RNF216: variants seen among roughly 807,000 people sequenced by gnomAD.
RNF216 encodes E3 ubiquitin-protein ligase RNF216.
A neutral mutation model predicts 110.8 loss-of-function variants in RNF216; 72 were observed. The ratio of observed to expected loss-of-function variants is 0.65; its 90% confidence interval spans 0.54 to 0.79. RNF216 has a LOEUF of 0.79. Ranked by LOEUF, RNF216 falls within the 30% of genes least tolerant of loss-of-function variation. RNF216 has a pLI of 0.00. For synonymous variants in RNF216, 495 were observed against 407.5 expected (o/e 1.21, Z -2.59); for missense variants, 1,342 against 1,141.2 (o/e 1.18, Z -2.54).
At chr7:5,718,332 G>C (rs1308116729) in intron 9 of RNF216, among the ~76,000 whole-genome samples, 2 of 152,132 alleles carry the variant, frequency 1.3e-5, no homozygotes, top group Non-Finnish European at 1.5e-5. Context: ...AGTGAGCCGA[G>C]ATCCTGCCAC....
At chr7:5,647,558 T>C (rs2128572737) in intron 14 of RNF216, among the ~76,000 whole-genome samples, 1 of 152,094 alleles carries the variant, frequency 6.6e-6, no homozygotes, top group South Asian at 2.1e-4. Context: ...GGTCTTCAAC[T>C]CCTGGGTTCA....
intron 3 of RNF216, among the ~76,000 whole-genome samples, chr7:5,747,309 A>G (rs1410289176): frequency 6.6e-6 from 1 of 152,214 alleles, no homozygotes; most frequent in Admixed American, 6.5e-5. Flanking sequence ...ATCCTAGGAT[A>G]CCTGACTTAT....
intron 14 of RNF216, among the ~76,000 whole-genome samples, chr7:5,642,906 G>C (rs1787828991): frequency 6.6e-6 from 1 of 152,058 alleles, no homozygotes. Context: ...TTTAAGGTGT[G>C]GCACTCCAGT....
At chr7:5,716,602 C>A (rs890139640) in intron 10 of RNF216, 114 bp downstream of exon 10, 3 of 755,502 alleles carry the variant, frequency 4.0e-6, no homozygotes, top group African/African-American at 1.8e-5. Flanking sequence ...TGCAAACTCA[C>A]CAAACAGGAG....
intron 13 of RNF216, among the ~76,000 whole-genome samples, chr7:5,698,050 T>G (rs1791736033): frequency 6.6e-6 from 1 of 152,206 alleles, no homozygotes; most frequent in Non-Finnish European, 1.5e-5. Flanking sequence ...TACAAGCTTC[T>G]GACGGGAAAT....
intron 1 of RNF216, among the ~76,000 whole-genome samples, chr7:5,769,538 C>T (rs1472091468): frequency 6.6e-6 from 1 of 151,076 alleles, no homozygotes; most frequent in Non-Finnish European, 1.5e-5. Flanking sequence ...GCCTGGGCAA[C>T]ATGGTGAAAC....
rs1796275111 is a variant in RNF216 at position 5,767,652 on chromosome 7, G to A, written c.-69-6514C>T. On this transcript the variant is annotated intron_variant, in intron 1 of 16. Transcript: ENST00000389902. ...GTTTTGCTCTGCCACCCAGGCTGAA[G>A]TAATGGTGCGATCTTGGCTCACTGC... Among the ~76,000 whole-genome samples, 3 of 150,806 alleles carry A rather than the reference G, an allele frequency of 2.0e-5. No individual in the cohort carries two copies. In the South Asian group the frequency reaches 6.2e-4, roughly 31 times the overall value.
At chr7:5,634,881 G>A (rs1171699964) in intron 15 of RNF216, among the ~76,000 whole-genome samples, 2 of 152,168 alleles carry the variant, frequency 1.3e-5, no homozygotes, top group Admixed American at 6.5e-5. Flanking sequence ...GGACACTGCT[G>A]GGGTAGCAAA....
At chr7:5,732,154 T>G (rs188612749) in intron 5 of RNF216, among the ~76,000 whole-genome samples, 61 of 152,284 alleles carry the variant, frequency 4.0e-4, no homozygotes, top group Middle Eastern at 3.4e-3. Flanking sequence ...TCAGAGTACA[T>G]TTTCCTATAA....
chr7:5,750,079 TA>T (rs1306929144), intron 3 of RNF216, among the ~76,000 whole-genome samples: 2 of 152,276 alleles, frequency 1.3e-5, no homozygotes, highest in Admixed American at 1.3e-4. Context: ...TTCTTATTTT[TA>T]TGGCAATATC....
chr7:5,728,883 G>A (rs1793920484), intron 7 of RNF216, among the ~76,000 whole-genome samples: 1 of 152,194 alleles, frequency 6.6e-6, no homozygotes, highest in Non-Finnish European at 1.5e-5. Context: ...GGCACTGTGT[G>A]CTGTCCTTCA....
Position 5,624,256 on chromosome 7 carries a change from C to T in RNF216, c.2383-131G>A, listed in dbSNP as rs1562764633. The T allele has an allele frequency of 4.3e-6, 3 of 702,482 alleles. No homozygotes were observed. Among genetic ancestry groups the T allele is most frequent in the Non-Finnish European group, 7.3e-6 (3 of 412,858 alleles). The allele number at this position is 702,482 out of a possible 1,614,324, so 43.5% of individuals were successfully genotyped here. A position where few individuals can be genotyped will look rare whatever the true frequency, so the allele number is the denominator to read the frequency against. On this transcript the variant is annotated intron_variant, in intron 15 of 16. Coordinates refer to ENST00000389902, the MANE Select transcript of RNF216 (RefSeq NM_207111.4). The surrounding 1 kb of genome is among the most constrained non-coding windows in gnomAD (Gnocchi z 4.4). ...CGAAGCCTGCTGCTGGCCAGTGGGGCCTGGGCTGCACACCGTTCCTTCCTA... is the reference window on the plus strand; with the variant it reads ...CGAAGCCTGCTGCTGGCCAGTGGGGTCTGGGCTGCACACCGTTCCTTCCTA...
At chr7:5,649,697 G>A (rs937563744) in intron 14 of RNF216, 2 of 151,996 alleles carry the variant, frequency 1.3e-5, no homozygotes, top group African/African-American at 4.8e-5. Flanking sequence ...CTAAGATGCA[G>A]AGGCGATGAT....
chr7:5,779,187 A>G (rs1041454411), intron 1 of RNF216, among the ~76,000 whole-genome samples: 1 of 152,340 alleles, frequency 6.6e-6, no homozygotes, highest in Non-Finnish European at 1.5e-5. Context: ...ATCAGCAAAT[A>G]CCAGCTCTCT....
intron 13 of RNF216, among the ~76,000 whole-genome samples, chr7:5,661,621 G>A (rs1789143802): frequency 6.6e-6 from 1 of 152,076 alleles, no homozygotes; most frequent in Non-Finnish European, 1.5e-5. Flanking sequence ...TGGCCAACAT[G>A]GTGACATCTC....
rs185141832 is a variant in RNF216, at chr7:5,622,782, C to T, written c.*78G>A. On this transcript the variant is annotated 3_prime_UTR_variant, in exon 17 of 17. Coordinates refer to ENST00000389902, the MANE Select transcript of RNF216 (RefSeq NM_207111.4). ...GACTTAGGATGCAATGGTACAGACA[C>T]CAGCCTTGGGGGAGGGTTCTCCATC... 54 of 1,404,328 alleles carry T rather than the reference C, an allele frequency of 3.8e-5. No homozygotes were observed. In the Admixed American group the frequency reaches 1.0e-3, roughly 26 times the overall value. The allele number at this position is 1,404,328 out of a possible 1,614,324, so 87.0% of individuals were successfully genotyped here.
chr7:5,638,590 G>A (rs891979007), intron 15 of RNF216, among the ~76,000 whole-genome samples: 1 of 150,872 alleles, frequency 6.6e-6, no homozygotes, highest in Non-Finnish European at 1.5e-5. Flanking sequence ...AGGGGTGGCT[G>A]TTAGCCAACT....
chr7:5,772,063 G>A (rs1005592599), intron 1 of RNF216, among the ~76,000 whole-genome samples: 2 of 152,038 alleles, frequency 1.3e-5, no homozygotes, highest in African/African-American at 4.8e-5. Context: ...GAGAAACCCT[G>A]TCTCTACTAA....
chr7:5,641,424 A>G (rs1787726921), intron 14 of RNF216, 48 bp from the exon 15 acceptor site: 1 of 1,422,500 alleles, frequency 7.0e-7, no homozygotes, highest in African/African-American at 1.4e-5. Context: ...GATGAGGAGG[A>G]AAAAAATATG....
Sources: gnomAD v4.1 joint callset for allele counts (sites outside exome capture counted in the v4.1 genomes callset) on GRCh38, gnomAD v4.1.1 for gene constraint, Gnocchi (gnomAD v3.1) non-coding constraint, MANE v1.5 for transcripts, NCBI Gene and HGNC (gene_info 2026-07-23, HGNC 2026-07-21) for gene names.